UNC5C: variants seen among roughly 807,000 people sequenced by gnomAD.
UNC5C encodes the protein netrin receptor UNC5C.
Under a neutral mutation model 99.8 loss-of-function variants are expected in UNC5C, and 47 were observed. The ratio of observed to expected loss-of-function variants is 0.47; its 90% CI spans 0.37 to 0.60. The LOEUF (loss-of-function observed/expected upper bound fraction) is 0.60, where lower values mean the gene tolerates loss of function less well. Among genes scored for constraint, UNC5C ranks in the 20% least tolerant of loss-of-function variants. The pLI is 0.00. For synonymous variants in UNC5C, 487 were observed against 452.2 expected, an observed-to-expected ratio of 1.08 and a Z score of -0.98; for missense variants, 1,062 against 1,165.9, an observed-to-expected ratio of 0.91 and a Z score of 1.30.
intron 1 of UNC5C, among the ~76,000 whole-genome samples, chr4:95,402,729 T>C (rs1745734245): frequency 6.6e-6 from 1 of 152,244 alleles, no homozygotes; most frequent in Non-Finnish European, 1.5e-5. Context: ...TTTCCTCCTC[T>C]ACACTTTAGC....
intron 1 of UNC5C, among the ~76,000 whole-genome samples, chr4:95,518,705 A>G (rs917873964): frequency 1.4e-4 from 22 of 152,228 alleles, no homozygotes; most frequent in African/African-American, 4.6e-4. Flanking sequence ...ATTTGTAAAG[A>G]AGCAATCAAA....
chr4:95,245,996 G>A (rs1739490899), intron 5 of UNC5C, among the ~76,000 whole-genome samples: 2 of 152,150 alleles, frequency 1.3e-5, no homozygotes, highest in South Asian at 2.1e-4. Context: ...CTAAAGAAGT[G>A]TATTAGCCAT....
intron 1 of UNC5C, among the ~76,000 whole-genome samples, chr4:95,493,691 A>C (rs1721562734): frequency 6.6e-6 from 1 of 151,450 alleles, no homozygotes; most frequent in Non-Finnish European, 1.5e-5. Context: ...AAAGTTGTCT[A>C]GGTTTTTAAT....
chr4:95,216,612 C>A (rs552318348), intron 9 of UNC5C, among the ~76,000 whole-genome samples: 223 of 149,288 alleles, frequency 1.5e-3, no homozygotes, highest in Non-Finnish European at 2.8e-3. Flanking sequence ...AAAAAAAAAA[C>A]AACATGTATT....
At chr4:95,195,943 A>G (rs1393734738) in intron 12 of UNC5C, among the ~76,000 whole-genome samples, 2 of 151,502 alleles carry the variant, frequency 1.3e-5, no homozygotes, top group Non-Finnish European at 2.9e-5. Flanking sequence ...ACATTATTTG[A>G]TTTATATCAC....
At position 95,413,241 on chromosome 4, in the gene UNC5C, T is replaced by C. The variant is rs140637126; in HGVS notation, c.125-77610A>G. 4.2e-3 allele frequency among the ~76,000 whole-genome samples: 638 copies of C among 152,306 alleles called. 8 individuals carry two copies. The highest frequency in any genetic ancestry group is 0.014 in the African/African-American group (586 of 41,552). On this transcript the variant is annotated intron_variant, in intron 1 of 15. Coordinates refer to ENST00000453304, the MANE Select transcript of UNC5C (RefSeq NM_003728.4). ...GCAAACCCTGGTCAGTTTTCTGCAG[T>C]GGCCTCTCCTCCTCTGCTTCCAGGA...
intron 1 of UNC5C, among the ~76,000 whole-genome samples, chr4:95,386,896 A>G (rs899284906): frequency 6.6e-6 from 1 of 152,120 alleles, no homozygotes; most frequent in South Asian, 2.1e-4. Flanking sequence ...CATATGGGTT[A>G]TAATATAAGA....
intron 1 of UNC5C, among the ~76,000 whole-genome samples, chr4:95,394,414 C>G (rs1745450540): frequency 6.6e-6 from 1 of 152,166 alleles, no homozygotes; most frequent in South Asian, 2.1e-4. Context: ...CAGGGATCGA[C>G]TTTTACCCAC....
intron 4 of UNC5C, among the ~76,000 whole-genome samples, chr4:95,273,786 T>G (rs2149392202): frequency 6.6e-6 from 1 of 152,300 alleles, no homozygotes; most frequent in Middle Eastern, 3.4e-3. Context: ...GTCCTGGAAC[T>G]CAAGTGTCTC....
intron 1 of UNC5C, among the ~76,000 whole-genome samples, chr4:95,383,449 T>C (rs1241087353): frequency 1.3e-5 from 2 of 152,156 alleles, no homozygotes; most frequent in Non-Finnish European, 2.9e-5. Context: ...TTCTACTGAT[T>C]TTATGTTTTC....
chr4:95,226,029 A>C (rs1738674284), intron 7 of UNC5C, among the ~76,000 whole-genome samples: 1 of 152,222 alleles, frequency 6.6e-6, no homozygotes, highest in Admixed American at 6.5e-5. Flanking sequence ...ACAACAGGGA[A>C]CATTTTCTTC....
intron 1 of UNC5C, among the ~76,000 whole-genome samples, chr4:95,511,883 G>A (rs892721033): frequency 1.3e-5 from 2 of 152,164 alleles, no homozygotes; most frequent in Non-Finnish European, 2.9e-5. Flanking sequence ...TGGGGAAGGG[G>A]CTACATTCTG....
chr4:95,325,283 G>T (rs1742844928), intron 2 of UNC5C, among the ~76,000 whole-genome samples: 1 of 152,134 alleles, frequency 6.6e-6, no homozygotes, highest in African/African-American at 2.4e-5. Flanking sequence ...CCATTTGAAC[G>T]CTTGTTTTTT....
chr4:95,407,332 C>T (rs1745858800), intron 1 of UNC5C, among the ~76,000 whole-genome samples: 1 of 151,960 alleles, frequency 6.6e-6, no homozygotes, highest in South Asian at 2.1e-4. Flanking sequence ...GTTTCACCAG[C>T]TGTGGGGAGT....
At chr4:95,462,721 A>G (rs1747641923) in intron 1 of UNC5C, among the ~76,000 whole-genome samples, 1 of 152,230 alleles carries the variant, frequency 6.6e-6, no homozygotes, top group South Asian at 2.1e-4. Context: ...ATTTAAAAAC[A>G]ACATATGCAG....
intron 12 of UNC5C, among the ~76,000 whole-genome samples, chr4:95,199,081 G>A (rs1737548158): frequency 6.6e-6 from 1 of 152,096 alleles, no homozygotes; most frequent in Non-Finnish European, 1.5e-5. Context: ...CCTGATTTTG[G>A]AAGAGCATGA....
intron 14 of UNC5C, among the ~76,000 whole-genome samples, chr4:95,172,509 T>C: frequency 6.6e-6 from 1 of 152,194 alleles, no homozygotes; most frequent in Admixed American, 6.5e-5. Flanking sequence ...CATTTCCCCA[T>C]TGCTTGTTTT....
At chr4:95,506,607 C>T (rs929496880) in intron 1 of UNC5C, among the ~76,000 whole-genome samples, 3 of 151,914 alleles carry the variant, frequency 2.0e-5, no homozygotes, top group East Asian at 1.9e-4. Context: ...TTTACAGAGG[C>T]GGGGAAGAAA....
At position 95,520,267 on chromosome 4, in the gene UNC5C, C is replaced by A. The variant is rs561921865; in HGVS notation, c.124+28467G>T. Among the ~76,000 whole-genome samples, 3 of 152,190 alleles carry A rather than the reference C, an allele frequency of 2.0e-5. No individual in the cohort carries two copies. In the South Asian group the frequency reaches 6.2e-4, roughly 32 times the overall value. On this transcript the variant is annotated intron_variant, in intron 1 of 15. Transcript: ENST00000453304. ...GTCGTGTCATTCTTTCAAGATAATACAATTAATTTTAAAAGATAAGGATTA... is the reference window on the plus strand; with the variant it reads ...GTCGTGTCATTCTTTCAAGATAATAAAATTAATTTTAAAAGATAAGGATTA...
Sources: allele counts gnomAD v4.1 joint callset (sites outside exome capture counted in the v4.1 genomes callset), GRCh38; gene constraint gnomAD v4.1.1; transcripts MANE v1.5; gene names NCBI Gene and HGNC (gene_info 2026-07-23, HGNC 2026-07-21).